The following VIPR2 variants were observed in gnomAD, a reference collection of about 807,000 sequenced individuals.
The protein encoded by VIPR2 is vasoactive intestinal peptide receptor 2.
A neutral mutation model predicts 58.0 loss-of-function variants in VIPR2; 48 were observed. That is an observed-to-expected ratio of 0.83 (90% confidence interval 0.66 to 1.05). VIPR2 has a LOEUF of 1.05. Among genes scored for constraint, VIPR2 ranks in the 50% least tolerant of loss-of-function variants. The probability of loss-of-function intolerance (pLI) is 0.00; values close to 1 mark genes in which losing one functional copy is unlikely to be tolerated. For synonymous variants in VIPR2, 243 were observed against 235.2 expected, an observed-to-expected ratio of 1.03 and a Z score of -0.30; for missense variants, 534 against 558.0, an observed-to-expected ratio of 0.96 and a Z score of 0.43.
At chr7:159,033,733 A>G (rs1853732424) in intron 10 of VIPR2, among the ~76,000 whole-genome samples, 1 of 152,188 alleles carries the variant, frequency 6.6e-6, no homozygotes, top group Non-Finnish European at 1.5e-5. Flanking sequence ...CCATGGACAC[A>G]TGGCCATGTC....
chr7:159,067,083 T>A (rs1055060856), intron 4 of VIPR2, among the ~76,000 whole-genome samples: 1 of 152,218 alleles, frequency 6.6e-6, no homozygotes. Context: ...CAGCCATATT[T>A]TGGTGCTCAC....
At chr7:159,123,202 A>T (rs1796521354) in intron 2 of VIPR2, among the ~76,000 whole-genome samples, 1 of 146,914 alleles carries the variant, frequency 6.8e-6, no homozygotes, top group African/African-American at 2.5e-5. Flanking sequence ...CTGAGGCAGG[A>T]GAATCGCTTC....
In VIPR2 at chr7:159,109,812, C is replaced by G. The variant is rs1795920687; in HGVS notation, c.259G>C (p.Gly87Arg). Residue 87 changes from glycine (G) to arginine (R), a missense_variant and splice_region_variant, in exon 3 of 13, where the codon GGA becomes CGA. This residue lies in a region of VIPR2 where 224 missense variants were observed against 255.7 expected (regional missense o/e 0.88). Coordinates refer to ENST00000262178, the MANE Select transcript of VIPR2 (RefSeq NM_003382.5). Reference protein sequence around the residue: ...KVFSNFYSKAGNISKNCTSDG... With the variant: ...KVFSNFYSKARNISKNCTSDG... ...CAGGAACTCAACCGACGGACAGTAC[C>G]TGCTTTGCTGTAAAAATTGCTGAAG... 6.2e-7 allele frequency: 1 copy of G among 1,614,026 alleles called. No individual in the cohort carries two copies. Among genetic ancestry groups the G allele is most frequent in the Admixed American group, 1.7e-5 (1 of 60,006 alleles).
chr7:159,075,509 T>C (rs991020926), intron 4 of VIPR2, among the ~76,000 whole-genome samples: 7 of 152,274 alleles, frequency 4.6e-5, no homozygotes, highest in Admixed American at 4.6e-4. Flanking sequence ...GTGTCAGGAG[T>C]GGGAACCAAA....
At chr7:159,032,322 G>A (rs1231090288) in intron 10 of VIPR2, among the ~76,000 whole-genome samples, 2 of 152,214 alleles carry the variant, frequency 1.3e-5, no homozygotes, top group Non-Finnish European at 2.9e-5. Flanking sequence ...TCCCTCACAA[G>A]GACACACGCT....
At chr7:159,066,335 A>C (rs1468094081) in intron 4 of VIPR2, among the ~76,000 whole-genome samples, 1 of 137,598 alleles carries the variant, frequency 7.3e-6, no homozygotes, top group African/African-American at 2.8e-5. Context: ...TGCTTCCACA[A>C]CGTCTGTGGG....
chr7:159,077,980 C>T (rs944554793), intron 4 of VIPR2, among the ~76,000 whole-genome samples: 4 of 152,214 alleles, frequency 2.6e-5, no homozygotes, highest in Admixed American at 6.5e-5. Context: ...TAAAACTGCC[C>T]TTTCCCTCAC....
intron 1 of VIPR2, chr7:159,144,395 G>C: frequency 6.5e-7 from 1 of 1,544,924 alleles, no homozygotes; most frequent in Non-Finnish European, 8.7e-7. Flanking sequence ...GCAGCTCCCA[G>C]CTCCCGGGAC....
At chr7:159,109,994 T>G in intron 2 of VIPR2, 75 bp from the exon 3 acceptor site, 4 of 1,394,414 alleles carry the variant, frequency 2.9e-6, no homozygotes, top group Non-Finnish European at 4.0e-6. Flanking sequence ...ATTAATGAGA[T>G]AACTGCCTCG....
At chr7:159,037,651 G>A (rs1202062683) in intron 6 of VIPR2, among the ~76,000 whole-genome samples, 1 of 152,144 alleles carries the variant, frequency 6.6e-6, no homozygotes, top group Non-Finnish European at 1.5e-5. Context: ...AATATTTTCT[G>A]AGGACATTTT....
At chr7:159,104,347 G>A (rs945337573) in intron 3 of VIPR2, among the ~76,000 whole-genome samples, 8 of 112,726 alleles carry the variant, frequency 7.1e-5, no homozygotes, top group Middle Eastern at 8.3e-3. Flanking sequence ...CAGCACCCTC[G>A]CCACTGACGG....
rs553837183 is a variant in VIPR2, at chr7:159,101,020, G to A, written c.357+2737C>T. Among the ~76,000 whole-genome samples, 15 of 144,966 alleles carry A rather than the reference G, an allele frequency of 1.0e-4. 2 individuals are homozygous for A. The highest frequency in any genetic ancestry group is 3.4e-4 in the African/African-American group (13 of 38,048). On this transcript the variant is annotated intron_variant, in intron 4 of 12. Coordinates refer to ENST00000262178, the MANE Select transcript of VIPR2 (RefSeq NM_003382.5). ...CGACGAGGCGGTTCTGACTGTTCCC[G>A]TGGTAGTGAACTGGTCTCACGAGAT...
intron 5 of VIPR2, among the ~76,000 whole-genome samples, chr7:159,045,052 T>A (rs1854564585): frequency 6.6e-6 from 1 of 152,182 alleles, no homozygotes. Context: ...ATTACAGGTG[T>A]GAGCCACCGC....
At chr7:159,113,968 G>A (rs113442237) in intron 2 of VIPR2, among the ~76,000 whole-genome samples, 648 of 152,322 alleles carry the variant, frequency 4.3e-3, no homozygotes, top group African/African-American at 0.015. Flanking sequence ...GGGATGACGA[G>A]GGGCCGGAGA....
rs1193619754 is a variant in VIPR2 at position 159,142,444 on chromosome 7, A to T, written c.151+2T>A. The T allele has an allele frequency of 6.2e-7, 1 of 1,612,010 alleles. No homozygotes were observed. The highest frequency in any genetic ancestry group is 1.7e-5 in the Admixed American group (1 of 59,890). ...TTCTTACTCACCAAGCCTCTGCCTT[A>T]CCTTTGTGTTTTTCTGTTTGAGACC... On this transcript the variant is annotated splice_donor_variant, in intron 2 of 12. Coordinates refer to ENST00000262178, the MANE Select transcript of VIPR2 (RefSeq NM_003382.5). LOFTEE classifies it high-confidence loss of function.
At chr7:159,056,899 C>G (rs1016812690) in intron 5 of VIPR2, among the ~76,000 whole-genome samples, 1 of 152,176 alleles carries the variant, frequency 6.6e-6, no homozygotes, top group Non-Finnish European at 1.5e-5. Flanking sequence ...GCTCTGGACA[C>G]TATGTGGTCA....
intron 3 of VIPR2, among the ~76,000 whole-genome samples, chr7:159,104,507 C>A (rs1193575186): frequency 6.7e-5 from 10 of 149,272 alleles, no homozygotes; most frequent in Non-Finnish European, 1.3e-4. Flanking sequence ...CCTGACAGCA[C>A]CCTACCTCCT....
intron 10 of VIPR2, among the ~76,000 whole-genome samples, chr7:159,033,969 C>T (rs1296369150): frequency 6.6e-6 from 1 of 152,178 alleles, no homozygotes; most frequent in Non-Finnish European, 1.5e-5. Flanking sequence ...AGAATCACAC[C>T]CTATCTAGAT....
intron 2 of VIPR2, among the ~76,000 whole-genome samples, chr7:159,115,943 G>A (rs1215602340): frequency 1.5e-5 from 2 of 135,598 alleles, no homozygotes; most frequent in Non-Finnish European, 3.1e-5. Flanking sequence ...AAGTAGTCAG[G>A]CAGCAGGTGT....
Sources: allele counts gnomAD v4.1 joint callset (sites outside exome capture counted in the v4.1 genomes callset), GRCh38; gene constraint gnomAD v4.1.1; regional missense constraint gnomAD v4.1.1; transcripts MANE v1.5; gene names NCBI Gene and HGNC (gene_info 2026-07-23, HGNC 2026-07-21).